Variants in SPATA17 observed in about 807,000 individuals in gnomAD.
SPATA17 encodes spermatogenesis associated 17, also known as spermatogenesis-associated protein 17.
In SPATA17, 53 loss-of-function variants were observed where a neutral mutation model predicts 62.2. That is an observed-to-expected ratio of 0.85 (90% CI 0.68 to 1.07). SPATA17 has a LOEUF of 1.07. Among genes scored for constraint, SPATA17 ranks in the 50% least tolerant of loss-of-function variants. The pLI is 0.00. For synonymous variants in SPATA17, 146 were observed against 146.8 expected (o/e 0.99, Z 0.04); for missense variants, 466 against 425.5 (o/e 1.10, Z -0.84).
At chr1:217,850,256 T>C (rs887452312) in intron 9 of SPATA17, 1 of 314,170 alleles carries the variant, frequency 3.2e-6, no homozygotes. Flanking sequence ...TTTTCTTTAA[T>C]GCTACCATGC....
chr1:217,703,547 G>C, intron 5 of SPATA17, among the ~76,000 whole-genome samples: 1 of 152,138 alleles, frequency 6.6e-6, no homozygotes, highest in Middle Eastern at 3.2e-3. Context: ...TTGGAAGACA[G>C]CTCTCTAGTA....
chr1:217,742,371 C>T (rs1672643509), intron 6 of SPATA17, among the ~76,000 whole-genome samples: 1 of 152,164 alleles, frequency 6.6e-6, no homozygotes, highest in Non-Finnish European at 1.5e-5. Context: ...AAGGGCATAA[C>T]CTCGCTTTCA....
In SPATA17 at chr1:217,732,084, TTC is replaced by T. The variant is rs60691625; in HGVS notation, c.396-9869_396-9868del. Reference sequence around the variant, plus strand: ...AATGGAGAAAGAAAATTACTCCAGTTTCTCTCTCTCTCTCTCTCTCTCTGTCT... The same window carrying T: ...AATGGAGAAAGAAAATTACTCCAGTTTCTCTCTCTCTCTCTCTCTCTGTCT... On this transcript the variant is annotated intron_variant, in intron 5 of 10. Transcript: ENST00000366933. 4.2e-3 allele frequency among the ~76,000 whole-genome samples: 626 copies of T among 147,806 alleles called. 1 individual carries two copies. Among genetic ancestry groups the T allele is most frequent in the East Asian group, 0.033 (165 of 5,044 alleles).
intron 9 of SPATA17, among the ~76,000 whole-genome samples, chr1:217,830,779 C>A (rs1410457786): frequency 1.3e-5 from 2 of 152,090 alleles, no homozygotes; most frequent in East Asian, 3.9e-4. Context: ...AATTAATTTA[C>A]AAGTTACTTT....
At position 217,786,328 on chromosome 1, in the gene SPATA17, G is replaced by A. The variant is rs185372882; in HGVS notation, c.872+4006G>A. Among the ~76,000 whole-genome samples the A allele has an allele frequency of 1.9e-3, 288 of 152,224 alleles. 1 individual carries two copies. The highest frequency in any genetic ancestry group is 6.5e-3 in the African/African-American group (271 of 41,554). ...CTCTGGTCTCTGATAATCTAGGAAA[G>A]CGTTCTTGACAGATAAGGAACTGAG... is the stretch of plus-strand genomic sequence containing the variant. On this transcript the variant is annotated intron_variant, in intron 8 of 10. Coordinates refer to ENST00000366933, the MANE Select transcript of SPATA17 (RefSeq NM_138796.4).
At position 217,829,717 on chromosome 1, in the gene SPATA17, G is replaced by A. The variant is rs542599494; in HGVS notation, c.1005+27867G>A. On this transcript the variant is annotated intron_variant, in intron 9 of 10. Transcript: ENST00000366933. ...TTTAAAACGAGCTCAAATACACATA[G>A]AGCATGAAAGAAAATGATTAACATG... Among the ~76,000 whole-genome samples, 126 of 146,236 alleles carry A rather than the reference G, an allele frequency of 8.6e-4. 1 individual carries two copies. The highest frequency in any genetic ancestry group is 3.0e-3 in the African/African-American group (120 of 39,506).
intron 5 of SPATA17, among the ~76,000 whole-genome samples, chr1:217,711,896 G>A (rs1213911143): frequency 3.9e-5 from 6 of 152,124 alleles, no homozygotes; most frequent in Non-Finnish European, 5.9e-5. Context: ...CAGAATGGTC[G>A]TGCCTTAGTA....
intron 5 of SPATA17, among the ~76,000 whole-genome samples, chr1:217,693,427 C>G (rs1671386044): frequency 8.0e-6 from 1 of 125,298 alleles, no homozygotes; most frequent in Admixed American, 8.3e-5. Context: ...TTTTGTTGAT[C>G]CTTTCAAAAA....
At chr1:217,803,544 A>G (rs1674365990) in intron 9 of SPATA17, among the ~76,000 whole-genome samples, 1 of 152,198 alleles carries the variant, frequency 6.6e-6, no homozygotes, top group Non-Finnish European at 1.5e-5. Flanking sequence ...AGATCTGTAC[A>G]TTGAAAACTA....
chr1:217,710,532 A>G (rs551815529), intron 5 of SPATA17, among the ~76,000 whole-genome samples: 1 of 152,282 alleles, frequency 6.6e-6, no homozygotes, highest in Admixed American at 6.5e-5. Context: ...TATTCATCAA[A>G]ATGAATTAGT....
At chr1:217,664,265 G>A (rs917108753) in intron 3 of SPATA17, among the ~76,000 whole-genome samples, 26 of 149,380 alleles carry the variant, frequency 1.7e-4, no homozygotes, top group African/African-American at 5.9e-4. Context: ...TGAAGTGTAA[G>A]ACTTTAACCT....
intron 9 of SPATA17, among the ~76,000 whole-genome samples, chr1:217,840,088 A>G (rs1465490776): frequency 2.0e-5 from 3 of 152,168 alleles, no homozygotes; most frequent in African/African-American, 7.2e-5. Context: ...TAATGTTACT[A>G]AGAGTTAATA....
chr1:217,646,855 C>T (rs779513746), intron 1 of SPATA17, among the ~76,000 whole-genome samples: 2 of 152,148 alleles, frequency 1.3e-5, no homozygotes, highest in Admixed American at 1.3e-4. Flanking sequence ...GATCACACCA[C>T]TGCACTCCAG....
At chr1:217,857,459 C>T (rs756627412) in intron 9 of SPATA17, among the ~76,000 whole-genome samples, 20 of 152,112 alleles carry the variant, frequency 1.3e-4, no homozygotes, top group Admixed American at 4.6e-4. Flanking sequence ...TAGCAGAAGC[C>T]GTCTGCTTTG....
intron 9 of SPATA17, among the ~76,000 whole-genome samples, chr1:217,849,387 A>T (rs2103010597): frequency 6.6e-6 from 1 of 152,210 alleles, no homozygotes; most frequent in African/African-American, 2.4e-5. Flanking sequence ...TTCTACTTGA[A>T]TTTTTTGGAA....
intron 4 of SPATA17, among the ~76,000 whole-genome samples, chr1:217,676,747 T>C (rs956140633): frequency 6.6e-6 from 1 of 152,150 alleles, no homozygotes; most frequent in Non-Finnish European, 1.5e-5. Context: ...TGAATGCAAA[T>C]TTCAAGAAGT....
chr1:217,843,505 T>C (rs1378211094), intron 9 of SPATA17, among the ~76,000 whole-genome samples: 1 of 152,046 alleles, frequency 6.6e-6, no homozygotes, highest in Non-Finnish European at 1.5e-5. Flanking sequence ...AAGCTTTATT[T>C]AAAGAAGGAC....
In SPATA17 at chr1:217,647,964, C is replaced by A. The variant is rs571120834; in HGVS notation, c.69-918C>A. The stretch of plus-strand genomic sequence containing the variant: ...TCTCGAAATCCTGACCTCAGATGAT[C>A]CGCCCACCTTGGCCTCCGAGAGTGC... On this transcript the variant is annotated intron_variant, in intron 1 of 10. Coordinates refer to ENST00000366933, the MANE Select transcript of SPATA17 (RefSeq NM_138796.4). Among the ~76,000 whole-genome samples, 7 of 152,170 alleles carry A rather than the reference C, an allele frequency of 4.6e-5. 1 individual carries two copies. The South Asian group carries it at 1.5e-3, about 32-fold the overall frequency.
At chr1:217,748,070 G>A (rs1248418747) in intron 6 of SPATA17, among the ~76,000 whole-genome samples, 2 of 151,602 alleles carry the variant, frequency 1.3e-5, no homozygotes, top group African/African-American at 2.4e-5. Flanking sequence ...TTGGGAGGCC[G>A]AGGTGGGCGG....
Sources: gnomAD v4.1 joint callset for allele counts (sites outside exome capture counted in the v4.1 genomes callset) on GRCh38, gnomAD v4.1.1 for gene constraint, MANE v1.5 for transcripts, NCBI Gene and HGNC (gene_info 2026-07-23, HGNC 2026-07-21) for gene names.